ANKRD10: variants seen among roughly 807,000 people sequenced by gnomAD.
ANKRD10 encodes the protein ankyrin repeat domain-containing protein 10.
ANKRD10 carries 14 observed loss-of-function variants against 27.0 expected under a neutral mutation model. The observed-to-expected ratio is 0.52, with a 90% confidence interval of 0.34 to 0.81. The LOEUF (loss-of-function observed/expected upper bound fraction) is 0.81. Among genes scored for constraint, ANKRD10 ranks in the 40% least tolerant of loss-of-function variants. ANKRD10 has a pLI of 0.01. For missense variants in ANKRD10, 493 were observed against 544.0 expected, an observed-to-expected ratio of 0.91 and a Z score of 0.93; for synonymous variants, 250 against 224.5, an observed-to-expected ratio of 1.11 and a Z score of -1.01.
Position 110,915,061 on chromosome 13 carries a change from G to T in ANKRD10, c.-127C>A. Reference sequence around the variant, plus strand: ...GGTCGCGTCCCACAGGCTGCCGAGCGGAGCGCGCACAGAGGGGGCGGGGCG... The same window carrying T: ...GGTCGCGTCCCACAGGCTGCCGAGCTGAGCGCGCACAGAGGGGGCGGGGCG... On this transcript the variant is annotated 5_prime_UTR_variant, in exon 1 of 6. Transcript: ENST00000267339. 7.1e-7 allele frequency: 1 copy of T among 1,413,448 alleles called. No homozygotes were observed. The highest frequency in any genetic ancestry group is 9.2e-7 in the Non-Finnish European group (1 of 1,088,788). 87.6% of individuals were successfully genotyped at this position (1,413,448 alleles called of 1,614,324 possible). A position where few individuals can be genotyped will look rare whatever the true frequency, so the allele number is the denominator to read the frequency against.
At position 110,914,428 on chromosome 13, in the gene ANKRD10, G is replaced by T. The variant is rs1472163852; in HGVS notation, c.210+297C>A. On this transcript the variant is annotated intron_variant, in intron 1 of 5. Transcript: ENST00000267339. ...CCGGCCAACAGGCGCCGGGACCCTT[G>T]GAGCCCGCCTTGTTAGAAACTTGCT... 3.7e-5 allele frequency: 9 copies of T among 245,518 alleles called. No homozygotes were observed. In the East Asian group the frequency reaches 6.9e-4, roughly 19 times the overall value. The allele number at this position is 245,518 out of a possible 1,614,324, so 15.2% of individuals were successfully genotyped here. A position where few individuals can be genotyped will look rare whatever the true frequency, so the allele number is the denominator to read the frequency against.
Position 110,880,112 on chromosome 13 carries a change from T to C in ANKRD10, c.788A>G (p.Asp263Gly). 6.2e-7 allele frequency: 1 copy of C among 1,610,872 alleles called. No individual in the cohort carries two copies. Among genetic ancestry groups the C allele is most frequent in the Non-Finnish European group, 8.5e-7 (1 of 1,177,682 alleles). The change falls in exon 6 of 6, where the codon GAT (aspartate) becomes GGT (glycine). Residue 263 changes from aspartate to glycine, a missense_variant and splice_region_variant. Asp to Gly is a moderately conservative substitution (Grantham distance 94). Coordinates refer to ENST00000267339, the MANE Select transcript of ANKRD10 (RefSeq NM_017664.4). ...HVDREFAVVT[D>G]MKNSSSVSNT... ...CGATACGGAGCTACTGTTTTTCATA[T>C]CTGCATTAAGAAATACACCTGTCAC...
chr13:110,900,702 A>C, intron 3 of ANKRD10: 1 of 1,349,248 alleles, frequency 7.4e-7, no homozygotes, highest in Non-Finnish European at 9.8e-7. Context: ...TAGCTGTAAA[A>C]CATTGACATG....
intron 4 of ANKRD10, among the ~76,000 whole-genome samples, chr13:110,887,468 G>T (rs1354880235): frequency 6.6e-6 from 1 of 152,158 alleles, no homozygotes. Context: ...GACTGTAATT[G>T]CCAGGCATGC....
intron 5 of ANKRD10, 103 bp from the exon 6 acceptor site, chr13:110,880,215 T>C: frequency 1.0e-6 from 1 of 991,232 alleles, no homozygotes. Context: ...TTTTAGTTTC[T>C]TTTTTTTCCT....
intron 4 of ANKRD10, among the ~76,000 whole-genome samples, chr13:110,888,021 A>T (rs564695849): frequency 6.6e-6 from 1 of 152,276 alleles, no homozygotes; most frequent in African/African-American, 2.4e-5. Context: ...AGGTCCTGTT[A>T]AAACCAAATT....
intron 4 of ANKRD10, among the ~76,000 whole-genome samples, 175 bp from the exon 5 acceptor site, chr13:110,883,968 A>G (rs1197536546): frequency 6.6e-6 from 1 of 152,204 alleles, no homozygotes; most frequent in Non-Finnish European, 1.5e-5. Flanking sequence ...TCCACAATCA[A>G]AAAGATTTCT....
At chr13:110,887,184 C>T (rs1438273737) in intron 4 of ANKRD10, among the ~76,000 whole-genome samples, 1 of 152,180 alleles carries the variant, frequency 6.6e-6, no homozygotes, top group Non-Finnish European at 1.5e-5. Flanking sequence ...GGCAACTAAA[C>T]GGTCTGCATT....
At chr13:110,880,543 T>A (rs1465863963) in intron 5 of ANKRD10, among the ~76,000 whole-genome samples, 1 of 152,184 alleles carries the variant, frequency 6.6e-6, no homozygotes, top group African/African-American at 2.4e-5. Flanking sequence ...CAAACTTCTC[T>A]AGTTCTCAAG....
intron 4 of ANKRD10, among the ~76,000 whole-genome samples, chr13:110,884,728 TA>T (rs767478674): frequency 2.6e-5 from 4 of 152,210 alleles, no homozygotes; most frequent in Non-Finnish European, 5.9e-5. Context: ...AACATACTCA[TA>T]AATGCATTTT....
rs369246902 is a variant in ANKRD10, at chr13:110,915,056, C to T, written c.-122G>A. ...GCCGCGGTCGCGTCCCACAGGCTGC[C>T]GAGCGGAGCGCGCACAGAGGGGGCG... On this transcript the variant is annotated 5_prime_UTR_variant, in exon 1 of 6. Coordinates refer to ENST00000267339, the MANE Select transcript of ANKRD10 (RefSeq NM_017664.4). 35 of 1,413,922 alleles carry T rather than the reference C, an allele frequency of 2.5e-5. No homozygotes were observed. In the East Asian group the frequency reaches 3.0e-4, roughly 12 times the overall value. 87.6% of individuals were successfully genotyped at this position (1,413,922 alleles called of 1,614,324 possible). A position where few individuals can be genotyped will look rare whatever the true frequency, so the allele number is the denominator to read the frequency against.
Position 110,883,700 on chromosome 13 carries a change from G to A in ANKRD10, c.785C>T (p.Thr262Ile), listed in dbSNP as rs1410432405. The A allele has an allele frequency of 6.2e-7, 1 of 1,614,004 alleles. No homozygotes were observed. Among genetic ancestry groups the A allele is most frequent in the Non-Finnish European group, 8.5e-7 (1 of 1,179,962 alleles). ...MHVDREFAVV[T>I]DMKNSSSVSN... ...AACAGGAAACTGTCCACTCCCACCT[G>A]TTACAACAGCAAACTCCCTATCAAC... The change falls in exon 5 of 6, where the codon ACA becomes ATA. Residue 262 changes from threonine to isoleucine, a missense_variant and splice_region_variant. Coordinates refer to ENST00000267339, the MANE Select transcript of ANKRD10 (RefSeq NM_017664.4).
intron 4 of ANKRD10, among the ~76,000 whole-genome samples, chr13:110,889,780 C>T (rs568014500): frequency 6.6e-6 from 1 of 152,264 alleles, no homozygotes; most frequent in South Asian, 2.1e-4. Context: ...AGAAAACTTT[C>T]TGGAAGTAAT....
intron 5 of ANKRD10, 102 bp downstream of exon 5, chr13:110,883,596 A>G (rs1009244135): frequency 2.6e-6 from 4 of 1,552,212 alleles, no homozygotes; most frequent in African/African-American, 1.4e-5. Context: ...GACACAGTAT[A>G]TATTTCTATT....
At chr13:110,884,240 G>A (rs2064874077) in intron 4 of ANKRD10, among the ~76,000 whole-genome samples, 1 of 151,972 alleles carries the variant, frequency 6.6e-6, no homozygotes, top group Admixed American at 6.6e-5. Flanking sequence ...TAAAGGCTAA[G>A]AGACTCAAGA....
In ANKRD10 at chr13:110,879,731, A is replaced by G. The variant is rs2064775644; in HGVS notation, c.1169T>C (p.Leu390Pro). 1.2e-6 allele frequency: 2 copies of G among 1,614,112 alleles called. No homozygotes were observed. The highest frequency in any genetic ancestry group is 1.7e-6 in the Non-Finnish European group (2 of 1,180,056). Residue 390 changes from leucine (L) to proline (P), a missense_variant, in exon 6 of 6, where the codon CTG becomes CCG. Transcript: ENST00000267339. ...CTTGGAATGCTCGACCACACTGTTC[A>G]GTTCTGGGATGCTTTCAGCAGTGTC... ...FGDTAESIPE[L>P]NSVVEHSKSV...
chr13:110,892,812 C>T (rs15114), intron 4 of ANKRD10: 1 of 1,340,828 alleles, frequency 7.5e-7, no homozygotes, highest in Non-Finnish European at 9.6e-7. Flanking sequence ...GACATTTACA[C>T]TTGGGCCATC....
intron 3 of ANKRD10, chr13:110,894,026 A>G: frequency 9.9e-7 from 1 of 1,011,826 alleles, no homozygotes; most frequent in Admixed American, 1.8e-5. Flanking sequence ...CCTCTACAGT[A>G]GCTAAAACTC....
In ANKRD10 at chr13:110,914,969, TAGAGGACGCGTCGG is replaced by T. The variant is rs2065849649; in HGVS notation, c.-49_-36del. 7 of 1,517,616 alleles carry T rather than the reference TAGAGGACGCGTCGG, an allele frequency of 4.6e-6. 1 individual carries two copies. The South Asian group carries it at 6.2e-5, about 13-fold the overall frequency. 94.0% of individuals were successfully genotyped at this position (1,517,616 alleles called of 1,614,324 possible). The stretch of plus-strand genomic sequence containing the variant: ...CCGGAGAGCGCGGGGCTCGCTGGCC[TAGAGGACGCGTCGG>T]GGAGGACTCGAGAAGCCGCCGCCGC... On this transcript the variant is annotated 5_prime_UTR_variant, in exon 1 of 6. Coordinates refer to ENST00000267339, the MANE Select transcript of ANKRD10 (RefSeq NM_017664.4).
Sources: gnomAD v4.1 joint callset for allele counts (sites outside exome capture counted in the v4.1 genomes callset) on GRCh38, gnomAD v4.1.1 for gene constraint, MANE v1.5 for transcripts, NCBI Gene and HGNC (gene_info 2026-07-23, HGNC 2026-07-21) for gene names.